Variants in KCND3 observed in about 807,000 individuals in gnomAD.
The protein encoded by KCND3 is potassium voltage-gated channel subfamily D member 3, also known as A-type voltage-gated potassium channel KCND3.
A neutral mutation model predicts 51.1 loss-of-function variants in KCND3; 9 were observed. The ratio of observed to expected loss-of-function variants is 0.18; its 90% confidence interval spans 0.11 to 0.31. KCND3 has a LOEUF of 0.31. Among genes scored for constraint, KCND3 ranks in the 10% least tolerant of loss-of-function variants. KCND3 has a pLI of 1.00. For missense variants in KCND3, 526 were observed against 903.8 expected, an observed-to-expected ratio of 0.58 and a Z score of 5.36; for synonymous variants, 349 against 368.0, an observed-to-expected ratio of 0.95 and a Z score of 0.59.
chr1:111,828,448 C>A (rs1005408166), intron 2 of KCND3, among the ~76,000 whole-genome samples: 1 of 152,186 alleles, frequency 6.6e-6, no homozygotes, highest in Non-Finnish European at 1.5e-5. Context: ...CATTAGTCAC[C>A]AGTGCAAACC....
chr1:111,977,079 G>T (rs1047403088), intron 2 of KCND3, among the ~76,000 whole-genome samples: 2 of 152,212 alleles, frequency 1.3e-5, no homozygotes, highest in Non-Finnish European at 2.9e-5. Context: ...GTTCCCAATA[G>T]GTGTCCTAAG....
At chr1:111,800,772 A>C (rs1306624998) in intron 2 of KCND3, among the ~76,000 whole-genome samples, 1 of 152,180 alleles carries the variant, frequency 6.6e-6, no homozygotes, top group Non-Finnish European at 1.5e-5. Context: ...AGCTCTGGAG[A>C]GAGCACACGC....
intron 2 of KCND3, among the ~76,000 whole-genome samples, chr1:111,865,421 G>T (rs1668512122): frequency 6.6e-6 from 1 of 152,180 alleles, no homozygotes; most frequent in African/African-American, 2.4e-5. Context: ...GATTCCCAAA[G>T]AGGTCAGGGC....
rs1672568695 is a variant in KCND3, at chr1:111,942,411, C to T, written c.1106+39210G>A. 2.0e-5 allele frequency among the ~76,000 whole-genome samples: 3 copies of T among 152,314 alleles called. No homozygotes were observed. In the South Asian group the frequency reaches 6.2e-4, roughly 32 times the overall value. ...TGACTGGGGCGCTGTGCCATAGTTC[C>T]TGCCCATGTCACTGAGTGCAGGGGT... On this transcript the variant is annotated intron_variant, in intron 2 of 7. Transcript: ENST00000302127.
At chr1:111,914,209 A>T (rs1671086754) in intron 2 of KCND3, among the ~76,000 whole-genome samples, 1 of 151,898 alleles carries the variant, frequency 6.6e-6, no homozygotes. Flanking sequence ...CATCAAAAGG[A>T]TCAGTGAATT....
intron 3 of KCND3, among the ~76,000 whole-genome samples, chr1:111,783,199 C>CAAAAAAAAAAAA (rs67241053): frequency 6.9e-5 from 5 of 72,334 alleles, no homozygotes; most frequent in Non-Finnish European, 1.2e-4. Flanking sequence ...AATTCAAAGA[C>CAAAAAAAAAAAA]AAAAAAAAAA....
intron 2 of KCND3, among the ~76,000 whole-genome samples, chr1:111,812,311 C>A (rs1036297247): frequency 1.3e-5 from 2 of 152,172 alleles, no homozygotes; most frequent in African/African-American, 4.8e-5. Flanking sequence ...GTGTGCCACA[C>A]CCTGCATGGG....
At chr1:111,906,935 G>A (rs1456063612) in intron 2 of KCND3, among the ~76,000 whole-genome samples, 4 of 152,118 alleles carry the variant, frequency 2.6e-5, no homozygotes, top group East Asian at 1.9e-4. Flanking sequence ...TCCCTCTAAA[G>A]TCTTGCATTC....
rs573143980 is a variant in KCND3, at chr1:111,918,769, G to C, written c.1106+62852C>G. Among the ~76,000 whole-genome samples, 9 of 152,294 alleles carry C rather than the reference G, an allele frequency of 5.9e-5. No homozygotes were observed. In the South Asian group the frequency reaches 1.9e-3, roughly 32 times the overall value. On this transcript the variant is annotated intron_variant, in intron 2 of 7. Transcript: ENST00000302127. Reference sequence around the variant, plus strand: ...ATGGGAAGTACTTTTCCAGGCTGGAGGCAGGGAATGATGAGCCAGGAAGTA... The same window carrying C: ...ATGGGAAGTACTTTTCCAGGCTGGACGCAGGGAATGATGAGCCAGGAAGTA...
rs145216018 is a variant in KCND3, at chr1:111,864,892, A to G, written c.1107-77786T>C. Among the ~76,000 whole-genome samples the G allele has an allele frequency of 2.0e-5, 3 of 152,356 alleles. No individual in the cohort carries two copies. In the East Asian group the frequency reaches 5.8e-4, roughly 29 times the overall value. On this transcript the variant is annotated intron_variant, in intron 2 of 7. Coordinates refer to ENST00000302127, the MANE Select transcript of KCND3 (RefSeq NM_001378969.1). ...GGGGGAAGGGAAGGGAGAGAAAGGC[A>G]TAGAAGGAGACAAATATGGTCAGAG... is the stretch of plus-strand genomic sequence containing the variant.
At chr1:111,803,942 T>A (rs1571663376) in intron 2 of KCND3, among the ~76,000 whole-genome samples, 2 of 152,206 alleles carry the variant, frequency 1.3e-5, no homozygotes, top group Admixed American at 6.5e-5. Context: ...TTTCTTTATG[T>A]GGGGCTCATC....
rs1387212997 is a variant in KCND3 at position 111,780,381 on chromosome 1, T to G, written c.1372-67A>C. On this transcript the variant is annotated intron_variant, in intron 4 of 7. Transcript: ENST00000302127. The surrounding 1 kb of genome is among the most constrained non-coding windows in gnomAD (Gnocchi z 4.2). ...TCTTCCCCTCTCCAGCTCCTTCATTTCTCCACTAAAGGTCAAAGGGCAATA... is the reference window on the plus strand; with the variant it reads ...TCTTCCCCTCTCCAGCTCCTTCATTGCTCCACTAAAGGTCAAAGGGCAATA... 2 of 1,413,196 alleles carry G rather than the reference T, an allele frequency of 1.4e-6. No homozygotes were observed. The highest frequency in any genetic ancestry group is 2.0e-6 in the Non-Finnish European group (2 of 1,020,990). 87.5% of individuals were successfully genotyped at this position (1,413,196 alleles called of 1,614,324 possible).
chr1:111,910,304 C>T (rs1397336354), intron 2 of KCND3: 3 of 152,206 alleles, frequency 2.0e-5, no homozygotes, highest in Non-Finnish European at 2.9e-5. Context: ...TCTCAAGTGC[C>T]TTTGCAAATG....
At chr1:111,787,230 C>T (rs1664645857) in intron 2 of KCND3, 124 bp from the exon 3 acceptor site, 2 of 1,020,646 alleles carry the variant, frequency 2.0e-6, no homozygotes, top group African/African-American at 3.1e-5. Flanking sequence ...AGAGTATCTA[C>T]TATGTGCCAG....
chr1:111,841,741 C>T (rs898304466), intron 2 of KCND3, among the ~76,000 whole-genome samples: 1 of 152,250 alleles, frequency 6.6e-6, no homozygotes, highest in Non-Finnish European at 1.5e-5. Context: ...CTGGCTCCTG[C>T]TCTGCCAGGC....
chr1:111,787,927 C>T (rs945711437), intron 2 of KCND3, among the ~76,000 whole-genome samples: 2 of 152,360 alleles, frequency 1.3e-5, no homozygotes, highest in East Asian at 1.9e-4. Context: ...TTAAAAGCCA[C>T]TCTTCTTGCT....
chr1:111,963,487 A>C (rs764797677), intron 2 of KCND3, among the ~76,000 whole-genome samples: 1 of 152,224 alleles, frequency 6.6e-6, no homozygotes, highest in Non-Finnish European at 1.5e-5. Flanking sequence ...GGATGATAGT[A>C]ATGCCTACTT....
intron 2 of KCND3, among the ~76,000 whole-genome samples, chr1:111,972,467 C>T (rs1268943200): frequency 6.6e-6 from 1 of 152,308 alleles, no homozygotes; most frequent in East Asian, 1.9e-4. Context: ...CCCCCGCGCC[C>T]GGCCCCTATT....
At position 111,828,313 on chromosome 1, in the gene KCND3, G is replaced by A. The variant is rs570893188; in HGVS notation, c.1107-41207C>T. Among the ~76,000 whole-genome samples, 19 of 152,272 alleles carry A rather than the reference G, an allele frequency of 1.2e-4. No homozygotes were observed. In the South Asian group the frequency reaches 3.5e-3, roughly 28 times the overall value. ...AGGATAGGATCTAACCTTTACTTCCGTCTACCTGTGGCCATCTCAAAATAA... is the reference window on the plus strand; with the variant it reads ...AGGATAGGATCTAACCTTTACTTCCATCTACCTGTGGCCATCTCAAAATAA... On this transcript the variant is annotated intron_variant, in intron 2 of 7. Transcript: ENST00000302127.
Sources: gnomAD v4.1 joint callset for allele counts (sites outside exome capture counted in the v4.1 genomes callset) on GRCh38, gnomAD v4.1.1 for gene constraint, Gnocchi (gnomAD v3.1) non-coding constraint, MANE v1.5 for transcripts, NCBI Gene and HGNC (gene_info 2026-07-23, HGNC 2026-07-21) for gene names.